The following MTO1 variants were observed in gnomAD, a reference collection of about 807,000 sequenced individuals.
MTO1 encodes mitochondrial tRNA translation optimization 1, also known as 5-taurinomethyluridine-[tRNA] synthase subunit MTO1, mitochondrial.
A neutral mutation model predicts 71.6 loss-of-function variants in MTO1; 46 were observed. The ratio of observed to expected loss-of-function variants is 0.64; its 90% CI spans 0.51 to 0.82. MTO1 has a LOEUF of 0.82. MTO1 is among the 40% of genes least tolerant of loss of function. MTO1 has a pLI of 0.00. For missense variants in MTO1, 773 were observed against 867.5 expected (o/e 0.89, Z 1.37); for synonymous variants, 297 against 312.1 (o/e 0.95, Z 0.51).
chr6:73,494,631 C>T (rs1771930139), intron 10 of MTO1, among the ~76,000 whole-genome samples: 1 of 151,914 alleles, frequency 6.6e-6, no homozygotes, highest in Non-Finnish European at 1.5e-5. Context: ...CATGCACCAC[C>T]ACGCCTGGCT....
chr6:73,484,028 C>T (rs1771587953), intron 9 of MTO1, among the ~76,000 whole-genome samples: 1 of 152,096 alleles, frequency 6.6e-6, no homozygotes, highest in Admixed American at 6.6e-5. Context: ...ATCCACCTGC[C>T]TTGGCCTCTC....
chr6:73,493,350 ATGTATGTGTG>A (rs1771878340), intron 10 of MTO1, among the ~76,000 whole-genome samples: 1 of 46,312 alleles, frequency 2.2e-5, no homozygotes, highest in African/African-American at 8.4e-5. Context: ...TGAAATGTGC[ATGTATGTGTG>A]TGTGTGTGTG....
chr6:73,483,830 G>A (rs1771582038), intron 9 of MTO1, among the ~76,000 whole-genome samples: 1 of 147,212 alleles, frequency 6.8e-6, no homozygotes, highest in Non-Finnish European at 1.5e-5. Context: ...TCTGTCAGGA[G>A]TGCAATGGCA....
rs778946838 is a variant in MTO1 at position 73,461,768 on chromosome 6, C to T, written c.-87C>T. Reference sequence around the variant, plus strand: ...CCCCGTGATATTAAAGCAAGATGGCCGCGCCCTGCAGATTGTCTCTTGTTG... The same window carrying T: ...CCCCGTGATATTAAAGCAAGATGGCTGCGCCCTGCAGATTGTCTCTTGTTG... On this transcript the variant is annotated 5_prime_UTR_variant, in exon 1 of 12. Transcript: ENST00000498286. 40 of 1,413,192 alleles carry T rather than the reference C, an allele frequency of 2.8e-5. No homozygotes were observed. Among genetic ancestry groups the T allele is most frequent in the Admixed American group, 1.5e-4 (8 of 52,190 alleles). 87.5% of individuals were successfully genotyped at this position (1,413,192 alleles called of 1,614,324 possible).
At chr6:73,473,067 G>A (rs1005051813) in intron 3 of MTO1, among the ~76,000 whole-genome samples, 2 of 152,184 alleles carry the variant, frequency 1.3e-5, no homozygotes, top group African/African-American at 4.8e-5. Flanking sequence ...ATCACCTGAG[G>A]TCGGGAATTC....
chr6:73,482,710 A>G (rs1694565736), intron 9 of MTO1, 90 bp downstream of exon 9: 3 of 1,051,290 alleles, frequency 2.9e-6, no homozygotes, highest in Middle Eastern at 3.3e-4. Flanking sequence ...ATGTGTTCCT[A>G]CCTACACATT....
rs1469008016 is a variant in MTO1, at chr6:73,503,082, T to C, written c.*2347T>C. 1 of 152,164 alleles carries C rather than the reference T, an allele frequency of 6.6e-6. No homozygotes were observed. The highest frequency in any genetic ancestry group is 1.5e-5 in the Non-Finnish European group (1 of 68,026). The allele number at this position is 152,164 out of a possible 1,614,324, so 9.4% of individuals were successfully genotyped here. ...AATGTTTCATGGAAAATACATATTT[T>C]AGATTCTATGATTTGCTTTAGGATG... is the stretch of plus-strand genomic sequence containing the variant. On this transcript the variant is annotated 3_prime_UTR_variant, in exon 12 of 12. Coordinates refer to ENST00000498286, the MANE Select transcript of MTO1 (RefSeq NM_012123.4).
chr6:73,500,789 A>T lies in MTO1; in HGVS notation c.*54A>T. ...GCATATAAATAATTTGATCAATACA[A>T]CAGTATAGATAAAAGAATTATTTAG... On this transcript the variant is annotated 3_prime_UTR_variant, in exon 12 of 12. Transcript: ENST00000498286. The T allele has an allele frequency of 7.5e-7, 1 of 1,325,404 alleles. No individual in the cohort carries two copies. Among genetic ancestry groups the T allele is most frequent in the Non-Finnish European group, 1.0e-6 (1 of 994,542 alleles). The allele number at this position is 1,325,404 out of a possible 1,614,324, so 82.1% of individuals were successfully genotyped here.
chr6:73,463,583 T>C (rs1166944693), intron 1 of MTO1, among the ~76,000 whole-genome samples: 2 of 152,212 alleles, frequency 1.3e-5, no homozygotes, highest in East Asian at 3.8e-4. Context: ...AAATCACTTA[T>C]TTATTCCTGA....
chr6:73,497,756 T>C lies in MTO1; in HGVS notation c.1777T>C (p.Phe593Leu), dbSNP rs2150044944. The C allele has an allele frequency of 6.2e-7, 1 of 1,613,946 alleles. No individual in the cohort carries two copies. Among genetic ancestry groups the C allele is most frequent in the Non-Finnish European group, 8.5e-7 (1 of 1,179,872 alleles). ...KIEATYESVL[F>L]HQLQEIKGVQ... ...ACCAGCCACTTATGAATCAGTGTTG[T>C]TCCATCAACTACAAGAAATAAAGGG... Residue 593 changes from phenylalanine to leucine, a missense_variant, in exon 11 of 12, where the codon TTC becomes CTC. By Grantham distance (22) the Phe-to-Leu change is conservative (BLOSUM62 0). Coordinates refer to ENST00000498286, the MANE Select transcript of MTO1 (RefSeq NM_012123.4).
chr6:73,465,642 GA>G (rs1451156383), intron 1 of MTO1, among the ~76,000 whole-genome samples: 2 of 152,116 alleles, frequency 1.3e-5, no homozygotes, highest in East Asian at 3.9e-4. Context: ...TGTTTGAAAG[GA>G]AAAGGCAACC....
intron 3 of MTO1, among the ~76,000 whole-genome samples, chr6:73,470,689 C>G (rs6453675): frequency 0.067 from 10,149 of 152,146 alleles, 465 homozygotes; most frequent in East Asian, 0.19. Context: ...GATTATGGCT[C>G]ACACCTATAA....
Position 73,492,255 on chromosome 6 carries a change from T to C in MTO1, c.1659T>C (p.Tyr553=). The change falls in exon 10 of 12, where the codon TAT becomes TAC. Residue 553 remains tyrosine (Y), a synonymous_variant. Transcript: ENST00000498286. ...GCAGAGCTCTCGATGTTCTGAAGTA[T>C]GAGGAAGTTGACATGGATTCATTAG... ...LPVRALDVLK[Y]EEVDMDSLAK... is the part of the protein sequence containing the mutation. 6.2e-7 allele frequency: 1 copy of C among 1,613,160 alleles called. No individual in the cohort carries two copies. Among genetic ancestry groups the C allele is most frequent in the South Asian group, 1.1e-5 (1 of 91,056 alleles).
intron 3 of MTO1, among the ~76,000 whole-genome samples, chr6:73,470,407 T>G (rs955230868): frequency 6.6e-6 from 1 of 151,860 alleles, no homozygotes; most frequent in African/African-American, 2.4e-5. Flanking sequence ...GGGGTTTCAC[T>G]GTGTTAGCCA....
intron 9 of MTO1, 192 bp from the exon 10 acceptor site, chr6:73,492,042 C>T: frequency 2.2e-6 from 1 of 444,868 alleles, no homozygotes; most frequent in Non-Finnish European, 4.1e-6. Flanking sequence ...GTGGGGATTG[C>T]AGTGAGCCAA....
intron 4 of MTO1, among the ~76,000 whole-genome samples, chr6:73,474,387 G>A (rs1021645434): frequency 4.6e-5 from 7 of 152,140 alleles, no homozygotes; most frequent in Non-Finnish European, 2.9e-5. Flanking sequence ...TCAGCCTAAA[G>A]AAGTAATCTC....
chr6:73,500,482 A>G, intron 11 of MTO1, 92 bp from the exon 12 acceptor site: 1 of 994,782 alleles, frequency 1.0e-6, no homozygotes, highest in Non-Finnish European at 1.4e-6. Context: ...ATATTGTATA[A>G]ACTATACTAT....
At chr6:73,470,276 G>T (rs528575716) in intron 3 of MTO1, among the ~76,000 whole-genome samples, 1 of 151,522 alleles carries the variant, frequency 6.6e-6, no homozygotes, top group African/African-American at 2.4e-5. Context: ...GCGTGATCTC[G>T]GCTTACTGCA....
rs766653154 is a variant in MTO1 at position 73,461,969 on chromosome 6, G to T, written c.115G>T (p.Val39Leu). The T allele has an allele frequency of 4.3e-6, 7 of 1,614,244 alleles. No individual in the cohort carries two copies. Among genetic ancestry groups the T allele is most frequent in the Non-Finnish European group, 5.9e-6 (7 of 1,180,042 alleles). The change falls in exon 1 of 12, where the codon GTG becomes TTG. Residue 39 changes from valine to leucine, a missense_variant. Transcript: ENST00000498286. ...GGCGCCCCGGACTCCGCACTTCGACGTGATAGTCATTGGTGGAGGACATGC... is the reference window on the plus strand; with the variant it reads ...GGCGCCCCGGACTCCGCACTTCGACTTGATAGTCATTGGTGGAGGACATGC... The part of the protein sequence containing the change: ...SAAPRTPHFD[V>L]IVIGGGHAGT...
Sources: gnomAD v4.1 joint callset for allele counts (sites outside exome capture counted in the v4.1 genomes callset) on GRCh38, gnomAD v4.1.1 for gene constraint, MANE v1.5 for transcripts, NCBI Gene and HGNC (gene_info 2026-07-23, HGNC 2026-07-21) for gene names.